DCLK1: variants seen among roughly 807,000 people sequenced by gnomAD.
DCLK1 encodes the protein doublecortin like kinase 1.
In DCLK1, 16 loss-of-function variants were observed where a neutral mutation model predicts 86.2. That is an observed-to-expected ratio of 0.19 (90% CI 0.13 to 0.28). The LOEUF is 0.28. Ranked by LOEUF, DCLK1 falls within the 10% of genes least tolerant of loss-of-function variation. The pLI is 1.00. For synonymous variants in DCLK1, 369 were observed against 370.5 expected, an observed-to-expected ratio of 1.00 and a Z score of 0.05; for missense variants, 590 against 940.2, an observed-to-expected ratio of 0.63 and a Z score of 4.87.
chr13:36,028,706 C>T (rs1483592870), intron 3 of DCLK1, among the ~76,000 whole-genome samples: 1 of 152,164 alleles, frequency 6.6e-6, no homozygotes, highest in Non-Finnish European at 1.5e-5. Context: ...ATACAGGTCA[C>T]AAAGACCTTA....
At chr13:36,023,475 T>C (rs1055336787) in intron 3 of DCLK1, among the ~76,000 whole-genome samples, 1 of 152,136 alleles carries the variant, frequency 6.6e-6, no homozygotes, top group African/African-American at 2.4e-5. Context: ...GGTGGGTCAT[T>C]TGCTCTTTTC....
intron 5 of DCLK1, among the ~76,000 whole-genome samples, chr13:35,858,464 G>A (rs1871203011): frequency 6.6e-6 from 1 of 152,136 alleles, no homozygotes; most frequent in Admixed American, 6.5e-5. Flanking sequence ...ACAAACAGCT[G>A]GAAGATGGCA....
chr13:36,025,603 G>C (rs573164984), intron 3 of DCLK1, among the ~76,000 whole-genome samples: 6 of 152,254 alleles, frequency 3.9e-5, no homozygotes, highest in African/African-American at 7.2e-5. Context: ...ATGAAAACAC[G>C]ATAAATTTTC....
At chr13:35,778,160 T>C (rs1052861065) in intron 16 of DCLK1, among the ~76,000 whole-genome samples, 2 of 152,338 alleles carry the variant, frequency 1.3e-5, no homozygotes, top group South Asian at 2.1e-4. Context: ...GGTGATCTGC[T>C]TCTCTCTGGA....
intron 6 of DCLK1, among the ~76,000 whole-genome samples, chr13:35,843,596 T>C (rs1035433495): frequency 6.6e-6 from 1 of 152,214 alleles, no homozygotes; most frequent in Non-Finnish European, 1.5e-5. Flanking sequence ...ATGTTGTCAC[T>C]CAGCTGGGGT....
chr13:35,947,447 A>G lies in DCLK1; in HGVS notation c.734T>C (p.Leu245Pro). The change falls in exon 4 of 17, where the codon CTT becomes CCT. Residue 245 changes from leucine (L) to proline (P), a missense_variant. Coordinates refer to ENST00000360631, the MANE Select transcript of DCLK1 (RefSeq NM_001330071.2). Reference sequence around the variant, plus strand: ...GTCATCATCACCAAAAAAGTCCTGAAGGCACATCACCTACAAGAGAAAAGC... The same window carrying G: ...GTCATCATCACCAAAAAAGTCCTGAGGGCACATCACCTACAAGAGAAAAGC... Reference protein sequence around the residue: ...YTLDGKQVMCLQDFFGDDDIF... With the variant: ...YTLDGKQVMCPQDFFGDDDIF... The G allele has an allele frequency of 6.2e-7, 1 of 1,613,694 alleles. No individual in the cohort carries two copies. The highest frequency in any genetic ancestry group is 8.5e-7 in the Non-Finnish European group (1 of 1,179,710).
intron 6 of DCLK1, among the ~76,000 whole-genome samples, chr13:35,845,593 C>T (rs1372737288): frequency 1.3e-5 from 2 of 152,134 alleles, no homozygotes; most frequent in African/African-American, 4.8e-5. Context: ...AATGAGTTAT[C>T]GATATGTCTG....
intron 11 of DCLK1, among the ~76,000 whole-genome samples, chr13:35,811,942 A>T (rs1369575012): frequency 2.6e-5 from 4 of 152,216 alleles, no homozygotes; most frequent in Admixed American, 1.3e-4. Flanking sequence ...TATTTTCAAC[A>T]TGATCTATTT....
At chr13:36,121,767 G>T (rs1886002054) in intron 2 of DCLK1, among the ~76,000 whole-genome samples, 1 of 152,238 alleles carries the variant, frequency 6.6e-6, no homozygotes, top group South Asian at 2.1e-4. Context: ...GGGCATTGCT[G>T]TATATGTGTC....
At chr13:35,870,502 G>A (rs994254720) in intron 5 of DCLK1, among the ~76,000 whole-genome samples, 1 of 152,106 alleles carries the variant, frequency 6.6e-6, no homozygotes, top group African/African-American at 2.4e-5. Flanking sequence ...ATGAAATCAG[G>A]TAACAATCAC....
chr13:36,012,106 T>G (rs1307057359), intron 3 of DCLK1, among the ~76,000 whole-genome samples: 1 of 140,228 alleles, frequency 7.1e-6, no homozygotes, highest in African/African-American at 2.8e-5. Context: ...CCTTTTATTT[T>G]GAGCCTATGT....
chr13:35,925,769 C>T (rs1265631482), intron 4 of DCLK1, among the ~76,000 whole-genome samples: 2 of 151,968 alleles, frequency 1.3e-5, no homozygotes, highest in African/African-American at 4.8e-5. Context: ...GACCTATTTG[C>T]TGGCTGATCA....
intron 3 of DCLK1, among the ~76,000 whole-genome samples, chr13:35,950,910 C>T (rs1877631067): frequency 6.6e-6 from 1 of 152,006 alleles, no homozygotes; most frequent in Admixed American, 6.6e-5. Flanking sequence ...ACCCTCCTCT[C>T]CTTTACTCCC....
At chr13:35,840,820 GACTTTTATGGATGGACATC>G (rs1386681663) in intron 6 of DCLK1, among the ~76,000 whole-genome samples, 2 of 152,208 alleles carry the variant, frequency 1.3e-5, no homozygotes, top group Non-Finnish European at 2.9e-5. Flanking sequence ...ACCCTCTGCT[GACTTTTATGGATGGACATC>G]TTTTTGTGAA....
intron 5 of DCLK1, chr13:35,855,773 C>G: frequency 1.6e-6 from 2 of 1,280,730 alleles, no homozygotes; most frequent in Non-Finnish European, 2.0e-6. Context: ...GTCAATTAAG[C>G]CTCTTGCCAA....
At chr13:36,128,753 T>TTAC (rs1566023927) in intron 1 of DCLK1, among the ~76,000 whole-genome samples, 2 of 151,964 alleles carry the variant, frequency 1.3e-5, no homozygotes, top group East Asian at 1.9e-4. Context: ...TCAAAAACAG[T>TTAC]TATATATAGG....
chr13:35,967,794 C>T (rs865808388), intron 3 of DCLK1, among the ~76,000 whole-genome samples: 9 of 151,852 alleles, frequency 5.9e-5, no homozygotes, highest in South Asian at 2.1e-4. Flanking sequence ...CCAAATCCCC[C>T]TCTCCGAGAA....
chr13:36,020,560 T>G (rs1566648668), intron 3 of DCLK1, among the ~76,000 whole-genome samples: 1 of 151,968 alleles, frequency 6.6e-6, no homozygotes. Flanking sequence ...GATTATCCAG[T>G]CTGAAGAACG....
At chr13:35,991,362 T>G (rs1161719582) in intron 3 of DCLK1, among the ~76,000 whole-genome samples, 4 of 152,168 alleles carry the variant, frequency 2.6e-5, no homozygotes, top group Non-Finnish European at 5.9e-5. Flanking sequence ...TGAAGACTCC[T>G]GTGTCATTTA....
Sources: gnomAD v4.1 joint callset for allele counts (sites outside exome capture counted in the v4.1 genomes callset) on GRCh38, gnomAD v4.1.1 for gene constraint, MANE v1.5 for transcripts, NCBI Gene and HGNC (gene_info 2026-07-23, HGNC 2026-07-21) for gene names.